KIAA0319L: variants seen among roughly 807,000 people sequenced by gnomAD.
The protein encoded by KIAA0319L is KIAA0319 like.
In KIAA0319L, 55 loss-of-function variants were observed where a neutral mutation model predicts 120.1. The ratio of observed to expected loss-of-function variants is 0.46; its 90% CI spans 0.37 to 0.57. The LOEUF is 0.57. Among genes scored for constraint, KIAA0319L ranks in the 20% least tolerant of loss-of-function variants. KIAA0319L has a pLI of 0.00. For missense variants in KIAA0319L, 1,049 were observed against 1,255.3 expected, an observed-to-expected ratio of 0.84 and a Z score of 2.48; for synonymous variants, 398 against 471.9, an observed-to-expected ratio of 0.84 and a Z score of 2.03.
At position 35,466,618 on chromosome 1, in the gene KIAA0319L, T is replaced by G; in HGVS notation, c.1191A>C (p.Thr397=). 1.2e-6 allele frequency: 2 copies of G among 1,612,412 alleles called. No homozygotes were observed. Among genetic ancestry groups the G allele is most frequent in the East Asian group, 2.2e-5 (1 of 44,876 alleles). Residue 397 remains threonine, a synonymous_variant, in exon 7 of 21, where the codon ACA becomes ACC. Coordinates refer to ENST00000325722, the MANE Select transcript of KIAA0319L (RefSeq NM_024874.5). ...NAHGEGYVNV[T]VKPEPRKNRP... ...GGGCTGAAAACATACCTGGCTTGACTGTCACGTTCACATAGCCTTCCCCAT... is the reference window on the plus strand; with the variant it reads ...GGGCTGAAAACATACCTGGCTTGACGGTCACGTTCACATAGCCTTCCCCAT...
intron 3 of KIAA0319L, among the ~76,000 whole-genome samples, chr1:35,483,298 T>C (rs1157853360): frequency 6.6e-6 from 1 of 152,268 alleles, no homozygotes; most frequent in Non-Finnish European, 1.5e-5. Context: ...TTCAGTGACA[T>C]GGCTAAGAAA....
intron 2 of KIAA0319L, among the ~76,000 whole-genome samples, chr1:35,514,846 A>G (rs566508293): frequency 2.0e-5 from 3 of 152,344 alleles, no homozygotes; most frequent in African/African-American, 7.2e-5. Context: ...GCAGAAAATT[A>G]ACAAAGATAT....
At chr1:35,543,729 C>T (rs1029964187) in intron 2 of KIAA0319L, among the ~76,000 whole-genome samples, 2 of 151,944 alleles carry the variant, frequency 1.3e-5, no homozygotes, top group African/African-American at 4.8e-5. Context: ...ACAACAACAA[C>T]AAAAAAAGGC....
intron 20 of KIAA0319L, 199 bp from the exon 21 acceptor site, chr1:35,435,280 T>G: frequency 1.7e-6 from 1 of 587,842 alleles, no homozygotes; most frequent in South Asian, 2.1e-5. Context: ...CTAAGGGGTG[T>G]CACAGAGTAC....
intron 5 of KIAA0319L, among the ~76,000 whole-genome samples, chr1:35,474,043 T>C (rs1643801255): frequency 6.6e-6 from 1 of 152,238 alleles, no homozygotes; most frequent in Non-Finnish European, 1.5e-5. Flanking sequence ...ATACTTTATA[T>C]ATTTTATAAA....
intron 2 of KIAA0319L, among the ~76,000 whole-genome samples, chr1:35,518,148 A>G (rs1252727160): frequency 6.6e-6 from 1 of 152,240 alleles, no homozygotes. Flanking sequence ...CCATTGCGGA[A>G]AGCAGTATGG....
intron 2 of KIAA0319L, among the ~76,000 whole-genome samples, chr1:35,512,859 G>A (rs1389099217): frequency 8.3e-6 from 1 of 119,956 alleles, no homozygotes; most frequent in Non-Finnish European, 1.6e-5. Context: ...GCAACAGGAC[G>A]AGACTCCATC....
intron 2 of KIAA0319L, among the ~76,000 whole-genome samples, chr1:35,549,285 T>C (rs1324271664): frequency 2.0e-5 from 3 of 152,010 alleles, no homozygotes; most frequent in Non-Finnish European, 4.4e-5. Context: ...TGGCCTCGGG[T>C]GATCCTCCTG....
At chr1:35,530,822 A>G (rs1003377543) in intron 2 of KIAA0319L, among the ~76,000 whole-genome samples, 9 of 152,114 alleles carry the variant, frequency 5.9e-5, no homozygotes, top group Non-Finnish European at 1.2e-4. Context: ...TGTAGTCTCC[A>G]TACGATTTCT....
intron 10 of KIAA0319L, 91 bp downstream of exon 10, chr1:35,455,922 G>T: frequency 1.0e-6 from 1 of 996,010 alleles, no homozygotes; most frequent in Non-Finnish European, 1.5e-6. Context: ...GGCCCCTAAA[G>T]CTTTCTCAGT....
At chr1:35,495,645 GTT>G (rs1373592542) in intron 3 of KIAA0319L, among the ~76,000 whole-genome samples, 1 of 151,654 alleles carries the variant, frequency 6.6e-6, no homozygotes. Flanking sequence ...GTTTGGTTTT[GTT>G]TGTTTGTTTG....
At chr1:35,495,996 A>C (rs1644792942) in intron 3 of KIAA0319L, among the ~76,000 whole-genome samples, 1 of 152,234 alleles carries the variant, frequency 6.6e-6, no homozygotes, top group South Asian at 2.1e-4. Flanking sequence ...TAAAATTAAA[A>C]AGATTCACCA....
Position 35,479,158 on chromosome 1 carries a change from GC to G in KIAA0319L, c.720del (p.Glu240AspfsTer28). On this transcript the variant is annotated frameshift_variant, in exon 4 of 21. Coordinates refer to ENST00000325722, the MANE Select transcript of KIAA0319L (RefSeq NM_024874.5). LOFTEE classifies it high-confidence loss of function. ...GATACATTCTTTGGCCCACCAGACA[GC>G]TCTGCAGTCAGGTCTGTGGTTAGGG... is the stretch of plus-strand genomic sequence containing the variant. The part of the protein sequence containing the change: ...SSPLTTDLTA[E>X]LSGGPKNVSV... The G allele has an allele frequency of 6.2e-7, 1 of 1,613,928 alleles. No homozygotes were observed.
chr1:35,549,267 T>C (rs548302054), intron 2 of KIAA0319L, among the ~76,000 whole-genome samples: 82 of 152,170 alleles, frequency 5.4e-4, no homozygotes, highest in Non-Finnish European at 1.0e-3. Flanking sequence ...AGGCTGGTCT[T>C]GAACTCCTGG....
intron 3 of KIAA0319L, among the ~76,000 whole-genome samples, chr1:35,481,566 T>C (rs1315436721): frequency 1.3e-5 from 2 of 152,206 alleles, no homozygotes; most frequent in African/African-American, 4.8e-5. Flanking sequence ...CATTTTTTCT[T>C]TGAAGAGGCA....
chr1:35,468,395 G>A (rs1386051893), intron 6 of KIAA0319L, among the ~76,000 whole-genome samples: 1 of 151,980 alleles, frequency 6.6e-6, no homozygotes, highest in Non-Finnish European at 1.5e-5. Context: ...TTTATCTATT[G>A]CTGTGGCTTC....
chr1:35,465,649 A>G (rs1194161735), intron 7 of KIAA0319L, among the ~76,000 whole-genome samples: 1 of 152,148 alleles, frequency 6.6e-6, no homozygotes, highest in South Asian at 2.1e-4. Flanking sequence ...ATGTGAGGAC[A>G]TGAGATTTGG....
intron 6 of KIAA0319L, among the ~76,000 whole-genome samples, chr1:35,467,119 C>G (rs1487419489): frequency 6.6e-6 from 1 of 151,714 alleles, no homozygotes; most frequent in Non-Finnish European, 1.5e-5. Context: ...AAAAAAAAAC[C>G]CTTTTAATGT....
At chr1:35,484,793 TA>T (rs1558439502) in intron 3 of KIAA0319L, among the ~76,000 whole-genome samples, 3,595 of 61,122 alleles carry the variant, frequency 0.059, 105 homozygotes, top group South Asian at 0.084. Context: ...TATATATATA[TA>T]TATATATATA....
Sources: gnomAD v4.1 joint callset for allele counts (sites outside exome capture counted in the v4.1 genomes callset) on GRCh38, gnomAD v4.1.1 for gene constraint, MANE v1.5 for transcripts, NCBI Gene and HGNC (gene_info 2026-07-23, HGNC 2026-07-21) for gene names.